Variants in DCHS2 observed in about 807,000 individuals in gnomAD.
The protein encoded by DCHS2 is dachsous cadherin-related 2, also known as protocadherin-23.
A neutral mutation model predicts 182.4 loss-of-function variants in DCHS2; 142 were observed. The observed-to-expected ratio is 0.78, with a 90% CI of 0.68 to 0.89. The LOEUF (loss-of-function observed/expected upper bound fraction) is 0.89, where lower values mean the gene tolerates loss of function less well. Ranked by LOEUF, DCHS2 falls within the 40% of genes least tolerant of loss-of-function variation. The pLI, the probability that DCHS2 is intolerant of heterozygous loss-of-function variation, is 0.00. For missense variants in DCHS2, 4,319 were observed against 4,198.6 expected, an observed-to-expected ratio of 1.03 and a Z score of -0.79; for synonymous variants, 1,740 against 1,663.3, an observed-to-expected ratio of 1.05 and a Z score of -1.12.
chr4:154,362,457 T>G (rs1730167719), intron 3 of DCHS2, among the ~76,000 whole-genome samples: 1 of 152,186 alleles, frequency 6.6e-6, no homozygotes, highest in South Asian at 2.1e-4. Context: ...CACAAATATA[T>G]GATGGGGGCA....
chr4:154,490,417 G>A lies in DCHS2; in HGVS notation c.939C>T (p.Ala313=). 1 of 1,533,572 alleles carries A rather than the reference G, an allele frequency of 6.5e-7. No homozygotes were observed. The highest frequency in any genetic ancestry group is 1.2e-5 in the South Asian group (1 of 83,762). The allele number at this position is 1,533,572 out of a possible 1,614,324, so 95.0% of individuals were successfully genotyped here. ...AAVREDAQPG[A]EVCRVRATDR... ...CGGTGGCGCGCACGCGACAGACCTC[G>A]GCGCCCGGCTGGGCGTCCTCGCGCA... Residue 313 remains alanine, a synonymous_variant, in exon 1 of 20, where the codon GCC becomes GCT. Transcript: ENST00000357232.
intron 1 of DCHS2, chr4:154,384,526 C>A (rs1313519693): frequency 6.5e-7 from 1 of 1,550,054 alleles, no homozygotes; most frequent in Non-Finnish European, 8.7e-7. Flanking sequence ...TTCTAATCCC[C>A]AGAACCTATG....
chr4:154,312,722 G>A lies in DCHS2; in HGVS notation c.5260+3026C>T, dbSNP rs80340807. On this transcript the variant is annotated intron_variant, in intron 10 of 19. Coordinates refer to ENST00000357232, the MANE Select transcript of DCHS2 (RefSeq NM_001358235.2). Reference sequence around the variant, plus strand: ...AATAGCCAGATAGTATTGTCCACTCGAATGAGAAATTGTTATTACAAAATG... The same window carrying A: ...AATAGCCAGATAGTATTGTCCACTCAAATGAGAAATTGTTATTACAAAATG... 0.013 allele frequency among the ~76,000 whole-genome samples: 1,920 copies of A among 152,184 alleles called. 119 individuals are homozygous for A. In the East Asian group the frequency reaches 0.18, roughly 14 times the overall value.
chr4:154,298,688 A>G lies in DCHS2; in HGVS notation c.5626T>C (p.Phe1876Leu). The stretch of plus-strand genomic sequence containing the variant: ...TCTCCTGACATCTCATTTATAGTAA[A>G]GCACTCATCAGTATTTCCATCTATT... ...HIIDGNTDECFTINEMSGELS... is the reference protein window; with the variant it reads ...HIIDGNTDECLTINEMSGELS... The change falls in exon 13 of 20, where the codon TTT becomes CTT. Residue 1876 changes from phenylalanine (F) to leucine (L), a missense_variant. Coordinates refer to ENST00000357232, the MANE Select transcript of DCHS2 (RefSeq NM_001358235.2). The G allele has an allele frequency of 6.3e-7, 1 of 1,582,700 alleles. No homozygotes were observed. Among genetic ancestry groups the G allele is most frequent in the Non-Finnish European group, 8.6e-7 (1 of 1,168,082 alleles).
Position 154,315,800 on chromosome 4 carries a change from GTT to G in DCHS2, c.5206_5207del (p.Asn1736ProfsTer11). On this transcript the variant is annotated frameshift_variant, in exon 10 of 20. Transcript: ENST00000357232. LOFTEE classifies it high-confidence loss of function. ...TGGTAACAAACTCCCCTGGATTTTGGTTTTCTTTCACTGAGGCTTCATACAGG... is the reference window on the plus strand; with the variant it reads ...TGGTAACAAACTCCCCTGGATTTTGGTTCTTTCACTGAGGCTTCATACAGG... ...QHLYEASVKE[N>X]QNPGEFVTRV... is the part of the protein sequence containing the mutation. 6.2e-7 allele frequency: 1 copy of G among 1,613,970 alleles called. No individual in the cohort carries two copies. The highest frequency in any genetic ancestry group is 8.5e-7 in the Non-Finnish European group (1 of 1,179,950).
At chr4:154,476,370 G>GT (rs1342595474) in intron 1 of DCHS2, among the ~76,000 whole-genome samples, 2 of 152,160 alleles carry the variant, frequency 1.3e-5, no homozygotes, top group Admixed American at 1.3e-4. Context: ...CAAAGATCAT[G>GT]TTTTTTACAT....
rs1731575119 is a variant in DCHS2 at position 154,389,516 on chromosome 4, T to TATATATATATATATATATA, written c.2053-12073_2053-12072insTATATATATATATATATAT. Among the ~76,000 whole-genome samples, 79 of 111,186 alleles carry TATATATATATATATATATA rather than the reference T, an allele frequency of 7.1e-4. 1 individual carries two copies. Among genetic ancestry groups the TATATATATATATATATATA allele is most frequent in the African/African-American group, 2.2e-3 (71 of 32,138 alleles). 72.9% of individuals were successfully genotyped at this position (111,186 alleles called of 152,430 possible). On this transcript the variant is annotated intron_variant, in intron 1 of 19. Transcript: ENST00000357232. ...TATGTTCTATTCCTAAAGACAAAGGTTATATATATATATATATATAACCTT... is the reference window on the plus strand; with the variant it reads ...TATGTTCTATTCCTAAAGACAAAGGTATATATATATATATATATATATATATATATATATATATAACCTT...
chr4:154,343,871 G>A (rs1020088008), intron 3 of DCHS2, among the ~76,000 whole-genome samples: 10 of 152,062 alleles, frequency 6.6e-5, no homozygotes, highest in Non-Finnish European at 1.5e-5. Context: ...CCTAGCTTTT[G>A]GCTTATCTGC....
chr4:154,321,294 T>A, intron 8 of DCHS2, 72 bp from the exon 9 acceptor site: 1 of 1,366,618 alleles, frequency 7.3e-7, no homozygotes, highest in Non-Finnish European at 9.5e-7. Context: ...TGTAATAATA[T>A]TATTTTGAAA....
intron 5 of DCHS2, 24 bp from the exon 6 acceptor site, chr4:154,329,734 G>A (rs1736444713): frequency 1.3e-6 from 2 of 1,595,246 alleles, no homozygotes; most frequent in Admixed American, 3.4e-5. Context: ...AGCAGAACAA[G>A]ACACAGGCAC....
intron 1 of DCHS2, among the ~76,000 whole-genome samples, chr4:154,463,174 T>TATACAC (rs141050042): frequency 1.8e-4 from 27 of 148,230 alleles, no homozygotes; most frequent in South Asian, 8.6e-4. Flanking sequence ...TATATATATA[T>TATACAC]ACACACACAC....
chr4:154,334,056 C>A (rs1728650100), intron 4 of DCHS2: 1 of 152,880 alleles, frequency 6.5e-6, no homozygotes, highest in African/African-American at 2.4e-5. Context: ...AGGTTTCACT[C>A]TCTTCCTTCA....
At chr4:154,398,579 G>T (rs760155797) in intron 1 of DCHS2, among the ~76,000 whole-genome samples, 6 of 152,108 alleles carry the variant, frequency 3.9e-5, no homozygotes, top group East Asian at 1.9e-4. Context: ...ATGTGCTTAT[G>T]ATATAGAATA....
chr4:154,239,570 G>T (rs966591406), intron 18 of DCHS2, among the ~76,000 whole-genome samples: 1 of 152,118 alleles, frequency 6.6e-6, no homozygotes, highest in African/African-American at 2.4e-5. Flanking sequence ...GTGCAGTGGC[G>T]CAGTCTTAGC....
chr4:154,403,709 A>G (rs75146623), intron 1 of DCHS2, among the ~76,000 whole-genome samples: 1,561 of 152,320 alleles, frequency 0.01, 26 homozygotes, highest in African/African-American at 0.035. Context: ...TTTGTCTGAC[A>G]TTAGTACCAG....
intron 2 of DCHS2, among the ~76,000 whole-genome samples, chr4:154,369,507 T>C (rs1730540836): frequency 6.6e-6 from 1 of 152,216 alleles, no homozygotes; most frequent in Admixed American, 6.5e-5. Flanking sequence ...GCTAAACTTT[T>C]GTCCAGCTCA....
chr4:154,244,070 C>T (rs760007537), intron 16 of DCHS2, among the ~76,000 whole-genome samples: 2 of 152,160 alleles, frequency 1.3e-5, no homozygotes, highest in Non-Finnish European at 2.9e-5. Context: ...TGTCATGGAC[C>T]TTTCATTTGA....
intron 1 of DCHS2, among the ~76,000 whole-genome samples, chr4:154,453,260 G>A (rs1053825647): frequency 6.8e-6 from 1 of 147,524 alleles, no homozygotes; most frequent in African/African-American, 2.5e-5. Context: ...ATAGTAATGC[G>A]ACACTGCTGG....
At chr4:154,299,371 C>T (rs973900652) in intron 12 of DCHS2, among the ~76,000 whole-genome samples, 3 of 152,118 alleles carry the variant, frequency 2.0e-5, no homozygotes, top group African/African-American at 4.8e-5. Context: ...TATATTCCAT[C>T]GTATCAAGTA....
Sources: allele counts gnomAD v4.1 joint callset (sites outside exome capture counted in the v4.1 genomes callset), GRCh38; gene constraint gnomAD v4.1.1; transcripts MANE v1.5; gene names NCBI Gene and HGNC (gene_info 2026-07-23, HGNC 2026-07-21).